Variants in SIPA1L2 observed in about 807,000 individuals in gnomAD.
SIPA1L2 encodes the protein signal induced proliferation associated 1 like 2.
Under a neutral mutation model 163.9 loss-of-function variants are expected in SIPA1L2, and 56 were observed. The observed-to-expected ratio is 0.34, with a 90% confidence interval of 0.28 to 0.43. The LOEUF (loss-of-function observed/expected upper bound fraction) is 0.43, where lower values mean the gene tolerates loss of function less well. Among genes scored for constraint, SIPA1L2 ranks in the 20% least tolerant of loss-of-function variants. The pLI, the probability that SIPA1L2 is intolerant of heterozygous loss-of-function variation, is 1.00. For synonymous variants in SIPA1L2, 877 were observed against 865.7 expected, an observed-to-expected ratio of 1.01 and a Z score of -0.23; for missense variants, 1,974 against 2,193.5, an observed-to-expected ratio of 0.90 and a Z score of 2.00.
At chr1:232,495,716 A>C (rs914848717) in intron 3 of SIPA1L2, among the ~76,000 whole-genome samples, 3 of 152,214 alleles carry the variant, frequency 2.0e-5, no homozygotes, top group African/African-American at 7.2e-5. Context: ...CACATATACC[A>C]ATGGTGGTCC....
chr1:232,576,487 TTC>T lies in SIPA1L2; in HGVS notation c.-318-2267_-318-2266del, dbSNP rs143135155. 0.046 allele frequency among the ~76,000 whole-genome samples: 7,051 copies of T among 152,162 alleles called. 822 individuals carry two copies. The East Asian group carries it at 0.49, about 11-fold the overall frequency. The stretch of plus-strand genomic sequence containing the variant: ...GGCTCCACCGACCAGCCTCCCCCAT[TTC>T]TCTCTCTCTCCTCAGACCTCCCGAT... On this transcript the variant is annotated intron_variant, in intron 1 of 22. Coordinates refer to ENST00000674635, the MANE Select transcript of SIPA1L2 (RefSeq NM_020808.5).
chr1:232,575,710 T>C (rs1342167643), intron 1 of SIPA1L2, among the ~76,000 whole-genome samples: 2 of 152,188 alleles, frequency 1.3e-5, no homozygotes, highest in Non-Finnish European at 2.9e-5. Context: ...ATCTCGAAGA[T>C]GAACTGGCAC....
intron 1 of SIPA1L2, among the ~76,000 whole-genome samples, chr1:232,626,953 A>C (rs1663108635): frequency 6.6e-6 from 1 of 152,222 alleles, no homozygotes; most frequent in African/African-American, 2.4e-5. Flanking sequence ...CTCACTCTGC[A>C]AATGAATTAG....
chr1:232,453,017 G>A (rs546598212), intron 10 of SIPA1L2, among the ~76,000 whole-genome samples: 1 of 152,204 alleles, frequency 6.6e-6, no homozygotes, highest in South Asian at 2.1e-4. Flanking sequence ...AAAATTTTAT[G>A]AAAGTTCTAG....
intron 1 of SIPA1L2, among the ~76,000 whole-genome samples, chr1:232,628,138 G>A (rs1240954139): frequency 1.3e-5 from 2 of 152,198 alleles, no homozygotes; most frequent in Non-Finnish European, 2.9e-5. Flanking sequence ...AAACATAACT[G>A]GGAGCCTGCT....
intron 3 of SIPA1L2, among the ~76,000 whole-genome samples, chr1:232,506,713 G>T (rs909734992): frequency 1.3e-5 from 2 of 152,186 alleles, no homozygotes; most frequent in African/African-American, 4.8e-5. Context: ...AAAGAGCTAG[G>T]TAAGAGAGCA....
chr1:232,466,104 A>T (rs998692960), intron 8 of SIPA1L2, among the ~76,000 whole-genome samples: 7 of 152,186 alleles, frequency 4.6e-5, no homozygotes, highest in Admixed American at 3.3e-4. Context: ...ATGTGGAATA[A>T]GCAGGCTGGC....
intron 10 of SIPA1L2, among the ~76,000 whole-genome samples, chr1:232,446,724 T>C (rs756830600): frequency 5.3e-5 from 8 of 152,240 alleles, no homozygotes; most frequent in Non-Finnish European, 1.0e-4. Context: ...TTACAAACTT[T>C]GTATGAGATT....
At chr1:232,499,612 C>G (rs892455394) in intron 3 of SIPA1L2, among the ~76,000 whole-genome samples, 3 of 152,188 alleles carry the variant, frequency 2.0e-5, no homozygotes, top group Admixed American at 2.0e-4. Context: ...GGTGAAGTAG[C>G]AAGTGCTGAT....
At chr1:232,534,613 G>A (rs909852168) in intron 2 of SIPA1L2, among the ~76,000 whole-genome samples, 2 of 152,216 alleles carry the variant, frequency 1.3e-5, no homozygotes, top group African/African-American at 4.8e-5. Flanking sequence ...GGCAGCCCAT[G>A]GAATGGGAGA....
chr1:232,593,156 A>T (rs1219274154), intron 1 of SIPA1L2, among the ~76,000 whole-genome samples: 1 of 152,230 alleles, frequency 6.6e-6, no homozygotes. Context: ...AACAAACACA[A>T]AACATCACAT....
At chr1:232,519,229 T>C (rs1667347615) in intron 2 of SIPA1L2, among the ~76,000 whole-genome samples, 1 of 152,208 alleles carries the variant, frequency 6.6e-6, no homozygotes, top group Admixed American at 6.5e-5. Flanking sequence ...AATGTCATAC[T>C]TCATCTTCTA....
At chr1:232,566,060 C>T (rs1359658451) in intron 2 of SIPA1L2, among the ~76,000 whole-genome samples, 1 of 152,166 alleles carries the variant, frequency 6.6e-6, no homozygotes, top group Non-Finnish European at 1.5e-5. Context: ...TCACCTGGGG[C>T]AGTTTAGGAA....
Position 232,453,076 on chromosome 1 carries a change from T to C in SIPA1L2, c.3096-7290A>G, listed in dbSNP as rs143850405. ...GGAATTTTAAAGTTTAACTTTCAAA[T>C]TGAAAAAAATCTTTAAAGCTGTAAA... is the stretch of plus-strand genomic sequence containing the variant. On this transcript the variant is annotated intron_variant, in intron 10 of 22. Transcript: ENST00000674635. 6.4e-3 allele frequency among the ~76,000 whole-genome samples: 974 copies of C among 152,296 alleles called. 8 individuals are homozygous for C. Among genetic ancestry groups the C allele is most frequent in the Middle Eastern group, 0.017 (5 of 294 alleles).
At chr1:232,432,519 G>A (rs1347887537) in intron 15 of SIPA1L2, 48 bp from the exon 16 acceptor site, 7 of 1,556,440 alleles carry the variant, frequency 4.5e-6, no homozygotes, top group Non-Finnish European at 6.2e-6. Flanking sequence ...GATTTCAGCA[G>A]TGCTGGCACA....
chr1:232,438,778 C>T (rs557651260), intron 15 of SIPA1L2, among the ~76,000 whole-genome samples: 2 of 152,164 alleles, frequency 1.3e-5, no homozygotes, highest in Non-Finnish European at 2.9e-5. Context: ...TTAGTGAGTG[C>T]CACCTCTTCT....
chr1:232,520,831 G>A (rs1027056537), intron 2 of SIPA1L2, among the ~76,000 whole-genome samples: 20 of 152,172 alleles, frequency 1.3e-4, no homozygotes, highest in African/African-American at 4.6e-4. Context: ...GGTGCTGCTC[G>A]CACTTGAGGT....
chr1:232,617,005 T>C (rs989556465), intron 1 of SIPA1L2, among the ~76,000 whole-genome samples: 1 of 152,266 alleles, frequency 6.6e-6, no homozygotes, highest in African/African-American at 2.4e-5. Context: ...CTTCACATAT[T>C]ATCATAAAAC....
chr1:232,493,728 T>G, intron 3 of SIPA1L2, 68 bp from the exon 4 acceptor site: 3 of 1,571,646 alleles, frequency 1.9e-6, no homozygotes, highest in Non-Finnish European at 2.6e-6. Context: ...TGGATATCTC[T>G]CAGTTTGTGT....
Sources: allele counts gnomAD v4.1 joint callset (sites outside exome capture counted in the v4.1 genomes callset), GRCh38; gene constraint gnomAD v4.1.1; transcripts MANE v1.5; gene names NCBI Gene and HGNC (gene_info 2026-07-23, HGNC 2026-07-21).